Variants in SLC2A13 observed in about 807,000 individuals in gnomAD.
SLC2A13 encodes the protein proton myo-inositol cotransporter.
In SLC2A13, 32 loss-of-function variants were observed where a neutral mutation model predicts 64.4. The ratio of observed to expected loss-of-function variants is 0.50; its 90% CI spans 0.37 to 0.67. The LOEUF is 0.67. Among genes scored for constraint, SLC2A13 ranks in the 30% least tolerant of loss-of-function variants. The pLI is 0.00. For synonymous variants in SLC2A13, 338 were observed against 327.1 expected (o/e 1.03, Z -0.36); for missense variants, 743 against 829.2 (o/e 0.90, Z 1.28).
intron 3 of SLC2A13, among the ~76,000 whole-genome samples, chr12:39,979,598 T>G (rs1309676400): frequency 7.0e-6 from 1 of 143,816 alleles, no homozygotes; most frequent in Non-Finnish European, 1.5e-5. Context: ...ATGAATGAAA[T>G]GAAGCGAGAA....
chr12:39,763,522 C>A (rs2135711849), intron 9 of SLC2A13, among the ~76,000 whole-genome samples: 1 of 152,150 alleles, frequency 6.6e-6, no homozygotes, highest in East Asian at 1.9e-4. Flanking sequence ...AAGGCACAGT[C>A]CTGGCCCTCC....
intron 3 of SLC2A13, among the ~76,000 whole-genome samples, chr12:39,979,910 G>A (rs1041969498): frequency 7.2e-6 from 1 of 138,256 alleles, no homozygotes; most frequent in African/African-American, 2.7e-5. Context: ...AAAATGTTAA[G>A]GGCAGCCAGA....
intron 4 of SLC2A13, among the ~76,000 whole-genome samples, chr12:39,889,089 A>C (rs1944537893): frequency 6.6e-6 from 1 of 152,156 alleles, no homozygotes; most frequent in South Asian, 2.1e-4. Flanking sequence ...TAAACTAGAT[A>C]AAAGAATTGC....
intron 6 of SLC2A13, among the ~76,000 whole-genome samples, chr12:39,836,670 T>C (rs1292009218): frequency 1.8e-4 from 24 of 131,814 alleles, no homozygotes; most frequent in Non-Finnish European, 3.7e-4. Context: ...TGTACAAAAA[T>C]CACAAGCATT....
chr12:39,841,933 A>G (rs1026468340), intron 6 of SLC2A13, among the ~76,000 whole-genome samples: 4 of 152,122 alleles, frequency 2.6e-5, no homozygotes, highest in African/African-American at 9.6e-5. Flanking sequence ...TTGTGCTAAT[A>G]TCACAGACAG....
chr12:39,896,028 A>C (rs1049675806), intron 4 of SLC2A13, among the ~76,000 whole-genome samples: 1 of 133,976 alleles, frequency 7.5e-6, no homozygotes, highest in African/African-American at 2.8e-5. Flanking sequence ...GTATACATAC[A>C]TGCATATGTT....
At chr12:39,785,659 C>G (rs1003276861) in intron 7 of SLC2A13, among the ~76,000 whole-genome samples, 2 of 152,096 alleles carry the variant, frequency 1.3e-5, no homozygotes, top group East Asian at 3.9e-4. Flanking sequence ...CCTGGAAAAG[C>G]CACAGACACT....
chr12:39,972,389 C>A (rs1159059341), intron 3 of SLC2A13, among the ~76,000 whole-genome samples: 1 of 152,080 alleles, frequency 6.6e-6, no homozygotes, highest in Non-Finnish European at 1.5e-5. Context: ...CATCATACTG[C>A]ACTTGCTAAT....
At chr12:39,790,308 G>A (rs1450633595) in intron 7 of SLC2A13, among the ~76,000 whole-genome samples, 3 of 150,114 alleles carry the variant, frequency 2.0e-5, no homozygotes. Flanking sequence ...CTGTGCTGGT[G>A]CGCTGCACCC....
chr12:39,865,985 T>C (rs149644888), intron 5 of SLC2A13, among the ~76,000 whole-genome samples: 2 of 152,342 alleles, frequency 1.3e-5, no homozygotes, highest in Non-Finnish European at 2.9e-5. Flanking sequence ...AGATATGTGT[T>C]AACTTATATA....
chr12:39,928,956 A>G (rs922525597), intron 4 of SLC2A13, among the ~76,000 whole-genome samples: 1 of 152,050 alleles, frequency 6.6e-6, no homozygotes, highest in Non-Finnish European at 1.5e-5. Context: ...GCCTCCCCCA[A>G]CTCCACTGCC....
chr12:40,062,255 G>A (rs1948435156), intron 1 of SLC2A13, among the ~76,000 whole-genome samples: 2 of 152,048 alleles, frequency 1.3e-5, no homozygotes, highest in Non-Finnish European at 2.9e-5. Context: ...GTTTTATAAT[G>A]AGAAATCCTG....
At chr12:39,789,114 CATT>C in intron 7 of SLC2A13, among the ~76,000 whole-genome samples, 1 of 152,170 alleles carries the variant, frequency 6.6e-6, no homozygotes, top group East Asian at 1.9e-4. Flanking sequence ...TTAACTATAT[CATT>C]ATCAGATTTT....
chr12:39,793,354 G>A (rs1298019225), intron 7 of SLC2A13, among the ~76,000 whole-genome samples: 1 of 152,052 alleles, frequency 6.6e-6, no homozygotes, highest in Non-Finnish European at 1.5e-5. Flanking sequence ...ATGCAGAGAT[G>A]TACCTTGTTT....
At chr12:39,989,136 T>G (rs1379205126) in intron 3 of SLC2A13, among the ~76,000 whole-genome samples, 1 of 152,130 alleles carries the variant, frequency 6.6e-6, no homozygotes, top group Non-Finnish European at 1.5e-5. Flanking sequence ...GCCTAAATCC[T>G]CACAGTCCCT....
chr12:39,888,777 C>T (rs890939394), intron 4 of SLC2A13, among the ~76,000 whole-genome samples: 2 of 152,116 alleles, frequency 1.3e-5, no homozygotes, highest in Non-Finnish European at 2.9e-5. Flanking sequence ...GAAATTCTCA[C>T]AAGTAACCAA....
chr12:39,977,388 C>G (rs956956345), intron 3 of SLC2A13, among the ~76,000 whole-genome samples: 4 of 152,184 alleles, frequency 2.6e-5, no homozygotes, highest in African/African-American at 9.7e-5. Context: ...CTGAGTCAAA[C>G]AGAACTTCCT....
At chr12:39,947,339 T>G (rs1204892049) in intron 4 of SLC2A13, among the ~76,000 whole-genome samples, 2 of 152,250 alleles carry the variant, frequency 1.3e-5, no homozygotes, top group Non-Finnish European at 2.9e-5. Flanking sequence ...CTTGGTCTTC[T>G]TAGGTAAAAA....
intron 4 of SLC2A13, among the ~76,000 whole-genome samples, chr12:39,886,087 G>A (rs1171192963): frequency 1.3e-5 from 2 of 152,150 alleles, no homozygotes; most frequent in African/African-American, 4.8e-5. Context: ...ACAGGTCAAG[G>A]TTAAAGTGAA....
Sources: allele counts gnomAD v4.1 joint callset (sites outside exome capture counted in the v4.1 genomes callset), GRCh38; gene constraint gnomAD v4.1.1; transcripts MANE v1.5; gene names NCBI Gene and HGNC (gene_info 2026-07-23, HGNC 2026-07-21).